PCDHGA4: variants seen among roughly 807,000 people sequenced by gnomAD.
PCDHGA4 encodes protocadherin gamma-A4.
Under a neutral mutation model 54.6 loss-of-function variants are expected in PCDHGA4, and 38 were observed. The observed-to-expected ratio is 0.70, with a 90% CI of 0.54 to 0.91. The LOEUF (loss-of-function observed/expected upper bound fraction) is 0.91. PCDHGA4 is among the 40% of genes least tolerant of loss of function. The pLI, the probability that PCDHGA4 is intolerant of heterozygous loss-of-function variation, is 0.00. For synonymous variants in PCDHGA4, 511 were observed against 512.9 expected, an observed-to-expected ratio of 1.00 and a Z score of 0.05; for missense variants, 1,298 against 1,220.9, an observed-to-expected ratio of 1.06 and a Z score of -0.94.
intron 1 of PCDHGA4, chr5:141,409,189 C>T (rs1216028242): frequency 6.2e-7 from 1 of 1,613,918 alleles, no homozygotes; most frequent in Admixed American, 1.7e-5. Flanking sequence ...GTCTCTCTAC[C>T]CAGTGTAAAG....
At chr5:141,500,145 T>C (rs2099796736) in intron 2 of PCDHGA4, among the ~76,000 whole-genome samples, 2 of 151,992 alleles carry the variant, frequency 1.3e-5, no homozygotes, top group East Asian at 3.9e-4. Context: ...TAAACTTTTC[T>C]TTGTGTAATC....
At chr5:141,419,204 G>A (rs1291977951) in intron 1 of PCDHGA4, 1 of 1,613,798 alleles carries the variant, frequency 6.2e-7, no homozygotes, top group Non-Finnish European at 8.5e-7. Flanking sequence ...CAATGACAAC[G>A]CGCCGGTTTT....
At chr5:141,455,661 T>TG (rs2098828692) in intron 1 of PCDHGA4, among the ~76,000 whole-genome samples, 1 of 152,024 alleles carries the variant, frequency 6.6e-6, no homozygotes, top group South Asian at 2.1e-4. Context: ...CAGGAACTTG[T>TG]GGGGCAAGGG....
In PCDHGA4 at chr5:141,427,784, G is replaced by A. The variant is rs750188824; in HGVS notation, c.2515-67023G>A. 6.8e-6 allele frequency: 10 copies of A among 1,470,180 alleles called. No homozygotes were observed. The Admixed American group carries it at 1.3e-4, about 20-fold the overall frequency. 91.1% of individuals were successfully genotyped at this position (1,470,180 alleles called of 1,614,324 possible). Reference sequence around the variant, plus strand: ...CTGACTTGGAGCTGCGGGCACTGTCGTCCTACGTGTCCGTGAGCGCACAGA... The same window carrying A: ...CTGACTTGGAGCTGCGGGCACTGTCATCCTACGTGTCCGTGAGCGCACAGA... On this transcript the variant is annotated intron_variant, in intron 1 of 3. Coordinates refer to ENST00000571252, the MANE Select transcript of PCDHGA4 (RefSeq NM_018917.4).
At position 141,374,383 on chromosome 5, in the gene PCDHGA4, G is replaced by A. The variant is rs192911480; in HGVS notation, c.2514+16762G>A. On this transcript the variant is annotated intron_variant, in intron 1 of 3. Transcript: ENST00000571252. ...GCGAGGAGCTCTGTGCTCAGAGCCC[G>A]CGGTGTCTGGTGAGTTTTAACATCC... is the stretch of plus-strand genomic sequence containing the variant. 3.7e-6 allele frequency: 6 copies of A among 1,614,036 alleles called. No homozygotes were observed. In the African/African-American group the frequency reaches 8.0e-5, roughly 22 times the overall value.
intron 1 of PCDHGA4, chr5:141,399,375 C>T (rs548275013): frequency 1.9e-6 from 3 of 1,614,016 alleles, no homozygotes; most frequent in South Asian, 2.2e-5. Flanking sequence ...AGTACAATGT[C>T]ACCATCACAG....
At chr5:141,376,684 T>TTTTTTTTTTG in intron 1 of PCDHGA4, 1 of 809,294 alleles carries the variant, frequency 1.2e-6, no homozygotes, top group African/African-American at 1.9e-5. Flanking sequence ...TCGTTTTTTT[T>TTTTTTTTTTG]TTTTTTTTTT....
intron 1 of PCDHGA4, chr5:141,364,342 A>G: frequency 6.5e-7 from 1 of 1,540,308 alleles, no homozygotes; most frequent in Non-Finnish European, 8.7e-7. Flanking sequence ...TGGCGAGTCC[A>G]CCTAGGGGCT....
intron 1 of PCDHGA4, among the ~76,000 whole-genome samples, chr5:141,474,185 C>A (rs1481544975): frequency 6.6e-6 from 1 of 152,180 alleles, no homozygotes; most frequent in Non-Finnish European, 1.5e-5. Flanking sequence ...AAACTACTTA[C>A]ATTTTTAAAA....
chr5:141,414,106 CTAGA>C, intron 1 of PCDHGA4: 1 of 1,592,656 alleles, frequency 6.3e-7, no homozygotes, highest in Non-Finnish European at 8.6e-7. Flanking sequence ...ATCAGAAAAT[CTAGA>C]TTATGAAGAA....
At chr5:141,435,172 T>G (rs1406204282) in intron 1 of PCDHGA4, among the ~76,000 whole-genome samples, 1 of 152,198 alleles carries the variant, frequency 6.6e-6, no homozygotes, top group Non-Finnish European at 1.5e-5. Context: ...GAGTGGCTTT[T>G]AACTACACTT....
intron 1 of PCDHGA4, chr5:141,398,266 G>A: frequency 1.4e-6 from 2 of 1,439,368 alleles, no homozygotes; most frequent in Non-Finnish European, 1.9e-6. Flanking sequence ...GGGCTCCGTA[G>A]TGGGGAACCT....
At position 141,486,616 on chromosome 5, in the gene PCDHGA4, C is replaced by T. The variant is rs759167270; in HGVS notation, c.2515-8191C>T. On this transcript the variant is annotated intron_variant, in intron 1 of 3. Coordinates refer to ENST00000571252, the MANE Select transcript of PCDHGA4 (RefSeq NM_018917.4). The surrounding 1 kb of genome is among the most constrained non-coding windows in gnomAD (Gnocchi z 5.0). ...TGCTTTGCTCCCTTGCAGCCTCTGA[C>T]CCAGACTCTGGCTTGAATGCGCTTA... is the stretch of plus-strand genomic sequence containing the variant. 2 of 1,613,500 alleles carry T rather than the reference C, an allele frequency of 1.2e-6. No individual in the cohort carries two copies. The highest frequency in any genetic ancestry group is 3.3e-5 in the Admixed American group (2 of 60,004).
intron 1 of PCDHGA4, among the ~76,000 whole-genome samples, chr5:141,368,795 A>G (rs1765861379): frequency 6.6e-6 from 1 of 152,188 alleles, no homozygotes; most frequent in Non-Finnish European, 1.5e-5. Flanking sequence ...ATAATTTTTC[A>G]TACTAATTGA....
Position 141,355,492 on chromosome 5 carries a change from A to G in PCDHGA4, c.385A>G (p.Arg129Gly). ...GATAGACAGGGAGGAGCTCTGCGAC[A>G]GATCTCCAAACTGTGTGACAAACCT... ...GRIDREELCDRSPNCVTNLEI... is the reference protein window; with the variant it reads ...GRIDREELCDGSPNCVTNLEI... The change falls in exon 1 of 4, where the codon AGA becomes GGA. Residue 129 changes from arginine to glycine, a missense_variant. Physicochemically the swap from Arg to Gly is moderately radical, Grantham distance 125. Coordinates refer to ENST00000571252, the MANE Select transcript of PCDHGA4 (RefSeq NM_018917.4). 6.2e-7 allele frequency: 1 copy of G among 1,614,090 alleles called. No individual in the cohort carries two copies. The highest frequency in any genetic ancestry group is 8.5e-7 in the Non-Finnish European group (1 of 1,179,914).
intron 1 of PCDHGA4, chr5:141,389,914 C>A (rs754458764): frequency 1.2e-6 from 2 of 1,613,956 alleles, no homozygotes; most frequent in African/African-American, 2.7e-5. Flanking sequence ...ACTGACCGCC[C>A]CGACCCCTCT....
Position 141,399,470 on chromosome 5 carries a change from T to C in PCDHGA4, c.2514+41849T>C, listed in dbSNP as rs773359741. 70 of 1,614,018 alleles carry C rather than the reference T, an allele frequency of 4.3e-5. No individual in the cohort carries two copies. The Middle Eastern group carries it at 4.9e-4, about 11-fold the overall frequency. On this transcript the variant is annotated intron_variant, in intron 1 of 3. Coordinates refer to ENST00000571252, the MANE Select transcript of PCDHGA4 (RefSeq NM_018917.4). ...GACGTCAACGATAACGCTCCGGTTT[T>C]CCACCAGGCGTCCTACTTAGTCAGT... is the stretch of plus-strand genomic sequence containing the variant.
chr5:141,433,110 G>C (rs1031253372), intron 1 of PCDHGA4: 1 of 1,614,098 alleles, frequency 6.2e-7, no homozygotes, highest in Middle Eastern at 1.7e-4. Context: ...AGCCAGGAGA[G>C]CTTTGAAAAA....
chr5:141,487,314 A>G lies in PCDHGA4; in HGVS notation c.2515-7493A>G. ...GGCTCATTCGTGGCACTACTCTCTAAGTGTCTTCGTGGGGCAGCCTGTGGA... is the reference window on the plus strand; with the variant it reads ...GGCTCATTCGTGGCACTACTCTCTAGGTGTCTTCGTGGGGCAGCCTGTGGA... On this transcript the variant is annotated intron_variant, in intron 1 of 3. Transcript: ENST00000571252. The surrounding 1 kb of genome is among the most constrained non-coding windows in gnomAD (Gnocchi z 5.0). The G allele has an allele frequency of 6.2e-7, 1 of 1,614,002 alleles. No individual in the cohort carries two copies. Among genetic ancestry groups the G allele is most frequent in the African/African-American group, 1.3e-5 (1 of 74,994 alleles).
Sources: allele counts gnomAD v4.1 joint callset (sites outside exome capture counted in the v4.1 genomes callset), GRCh38; gene constraint gnomAD v4.1.1; non-coding constraint Gnocchi (gnomAD v3.1); transcripts MANE v1.5; gene names NCBI Gene and HGNC (gene_info 2026-07-23, HGNC 2026-07-21).